The following RIMS1 variants were observed in gnomAD, a reference collection of about 807,000 sequenced individuals.
RIMS1 encodes the protein regulating synaptic membrane exocytosis 1, also known as regulating synaptic membrane exocytosis protein 1.
RIMS1 carries 83 observed loss-of-function variants against 214.1 expected under a neutral mutation model. The ratio of observed to expected loss-of-function variants is 0.39; its 90% CI spans 0.32 to 0.47. RIMS1 has a LOEUF of 0.47. Among genes scored for constraint, RIMS1 ranks in the 20% least tolerant of loss-of-function variants. The probability of loss-of-function intolerance (pLI) is 0.99; values close to 1 mark genes in which losing one functional copy is unlikely to be tolerated. For synonymous variants in RIMS1, 793 were observed against 786.8 expected, an observed-to-expected ratio of 1.01 and a Z score of -0.13; for missense variants, 2,050 against 2,161.8, an observed-to-expected ratio of 0.95 and a Z score of 1.03.
At chr6:72,131,835 C>T (rs1040901710) in intron 4 of RIMS1, among the ~76,000 whole-genome samples, 1 of 152,036 alleles carries the variant, frequency 6.6e-6, no homozygotes, top group Non-Finnish European at 1.5e-5. Context: ...AAAAGATGAC[C>T]ACACCCAAGG....
chr6:72,068,659 C>T (rs758396289), intron 2 of RIMS1, among the ~76,000 whole-genome samples: 42 of 152,158 alleles, frequency 2.8e-4, no homozygotes, highest in Non-Finnish European at 1.2e-4. Flanking sequence ...CGTGGTGGCT[C>T]ATGCCTGTAA....
At chr6:72,023,348 T>G (rs1016022677) in intron 2 of RIMS1, among the ~76,000 whole-genome samples, 1 of 152,178 alleles carries the variant, frequency 6.6e-6, no homozygotes, top group Non-Finnish European at 1.5e-5. Flanking sequence ...GTAATTGAAG[T>G]TTTTAACACA....
intron 1 of RIMS1, among the ~76,000 whole-genome samples, chr6:71,968,180 C>A (rs1239884620): frequency 6.6e-6 from 1 of 152,168 alleles, no homozygotes; most frequent in Admixed American, 6.5e-5. Flanking sequence ...GAAGGAATAT[C>A]TGGGCCATCC....
At chr6:72,271,870 G>A (rs955843838) in intron 22 of RIMS1, among the ~76,000 whole-genome samples, 4 of 152,062 alleles carry the variant, frequency 2.6e-5, no homozygotes, top group South Asian at 4.1e-4. Context: ...AAACAAAAAA[G>A]CCTCACTGTA....
intron 18 of RIMS1, among the ~76,000 whole-genome samples, chr6:72,259,709 A>G (rs1032641216): frequency 1.2e-4 from 19 of 152,156 alleles, no homozygotes; most frequent in African/African-American, 4.6e-4. Context: ...AATTACTATA[A>G]GTCTACATTA....
At position 71,886,843 on chromosome 6, in the gene RIMS1, G is replaced by C; in HGVS notation, c.-181G>C. ...TGGGTGGATGCAAACAACCATGAAA[G>C]ACTGGGTTCTCGCTCTCCCCGGCTC... On this transcript the variant is annotated 5_prime_UTR_variant, in exon 1 of 34. Coordinates refer to ENST00000521978, the MANE Select transcript of RIMS1 (RefSeq NM_014989.7). 1 of 658,396 alleles carries C rather than the reference G, an allele frequency of 1.5e-6. No homozygotes were observed. Among genetic ancestry groups the C allele is most frequent in the Non-Finnish European group, 2.6e-6 (1 of 383,936 alleles). The allele number at this position is 658,396 out of a possible 1,614,324, so 40.8% of individuals were successfully genotyped here. A position where few individuals can be genotyped will look rare whatever the true frequency, so the allele number is the denominator to read the frequency against.
intron 29 of RIMS1, among the ~76,000 whole-genome samples, chr6:72,336,661 A>C (rs1429812471): frequency 1.3e-5 from 2 of 151,688 alleles, no homozygotes; most frequent in African/African-American, 4.8e-5. Context: ...CTATGTGTAA[A>C]ATTTTATGCT....
chr6:72,093,725 A>G (rs1055192029), intron 2 of RIMS1, among the ~76,000 whole-genome samples: 2 of 151,754 alleles, frequency 1.3e-5, no homozygotes, highest in Non-Finnish European at 2.9e-5. Flanking sequence ...TTATGTATTT[A>G]TTTATTTTAA....
chr6:72,264,335 A>G (rs923415368), intron 19 of RIMS1, among the ~76,000 whole-genome samples: 1 of 152,204 alleles, frequency 6.6e-6, no homozygotes, highest in Admixed American at 6.5e-5. Context: ...TTTTCTGCCA[A>G]TTCAAAATCC....
intron 2 of RIMS1, among the ~76,000 whole-genome samples, chr6:72,052,939 A>G (rs764154768): frequency 1.3e-5 from 2 of 152,176 alleles, no homozygotes; most frequent in Non-Finnish European, 2.9e-5. Context: ...GGATCCCTGC[A>G]GTTACACTAG....
At chr6:71,986,422 G>C (rs976429279) in intron 2 of RIMS1, among the ~76,000 whole-genome samples, 2 of 152,184 alleles carry the variant, frequency 1.3e-5, no homozygotes, top group South Asian at 2.1e-4. Flanking sequence ...AGGACAACCA[G>C]ATAGAAGGCT....
intron 28 of RIMS1, chr6:72,317,301 G>GC (rs1262907081): frequency 2.8e-5 from 8 of 280,972 alleles, no homozygotes; most frequent in Middle Eastern, 5.2e-4. Context: ...GCCAGCACCT[G>GC]CACAGGGCTG....
At chr6:71,887,819 C>T (rs1398771769) in intron 1 of RIMS1, among the ~76,000 whole-genome samples, 1 of 152,152 alleles carries the variant, frequency 6.6e-6, no homozygotes, top group African/African-American at 2.4e-5. Context: ...ACACAGCATA[C>T]CTGTGTGAAG....
chr6:72,102,479 G>C (rs1403848767), intron 4 of RIMS1, among the ~76,000 whole-genome samples: 1 of 151,894 alleles, frequency 6.6e-6, no homozygotes, highest in East Asian at 1.9e-4. Context: ...GTAATAACAA[G>C]ACACTAAATT....
chr6:72,185,222 C>T (rs976635879), intron 6 of RIMS1, among the ~76,000 whole-genome samples: 2 of 152,098 alleles, frequency 1.3e-5, no homozygotes, highest in Non-Finnish European at 2.9e-5. Context: ...GATTGTAACA[C>T]TGTGGAAGAG....
chr6:72,271,039 G>A (rs1000603700), intron 22 of RIMS1, among the ~76,000 whole-genome samples: 18 of 151,972 alleles, frequency 1.2e-4, no homozygotes, highest in Non-Finnish European at 1.5e-4. Context: ...AGGCTGAGGC[G>A]GGCAGATCAC....
In RIMS1 at chr6:72,182,692, C is replaced by T; in HGVS notation, c.1221C>T (p.Gly407=). 2 of 1,501,496 alleles carry T rather than the reference C, an allele frequency of 1.3e-6. No homozygotes were observed. Among genetic ancestry groups the T allele is most frequent in the African/African-American group, 1.5e-5 (1 of 68,936 alleles). The allele number at this position is 1,501,496 out of a possible 1,614,324, so 93.0% of individuals were successfully genotyped here. Residue 407 remains glycine, a synonymous_variant, in exon 6 of 34, where the codon GGC becomes GGT. Transcript: ENST00000521978. ...RTEAGAALPE[G]KAGKRAPAAA... The stretch of plus-strand genomic sequence containing the variant: ...AGGCGGGCGCGGCGCTGCCGGAGGG[C>T]AAGGCCGGCAAACGCGCGCCGGCGG...
At chr6:72,325,976 A>T (rs1017114816) in intron 28 of RIMS1, among the ~76,000 whole-genome samples, 1 of 151,840 alleles carries the variant, frequency 6.6e-6, no homozygotes, top group Non-Finnish European at 1.5e-5. Context: ...AATATTGATC[A>T]ACAATATTGA....
chr6:72,281,303 A>G (rs4235868), intron 23 of RIMS1, among the ~76,000 whole-genome samples: 95,453 of 151,966 alleles, frequency 0.63, 30,444 homozygotes, highest in East Asian at 0.98. Flanking sequence ...TGAACATGCT[A>G]TCACAGAGAA....
Sources: gnomAD v4.1 joint callset for allele counts (sites outside exome capture counted in the v4.1 genomes callset) on GRCh38, gnomAD v4.1.1 for gene constraint, MANE v1.5 for transcripts, NCBI Gene and HGNC (gene_info 2026-07-23, HGNC 2026-07-21) for gene names.